SH3GL1: variants seen among roughly 807,000 people sequenced by gnomAD.
The protein encoded by SH3GL1 is endophilin-A2.
SH3GL1 carries 21 observed loss-of-function variants against 48.8 expected under a neutral mutation model. The ratio of observed to expected loss-of-function variants is 0.43; its 90% CI spans 0.30 to 0.62. SH3GL1 has a LOEUF of 0.62. Among genes scored for constraint, SH3GL1 ranks in the 20% least tolerant of loss-of-function variants. The pLI is 0.11. For synonymous variants in SH3GL1, 282 were observed against 217.5 expected, an observed-to-expected ratio of 1.30 and a Z score of -2.61; for missense variants, 454 against 503.0, an observed-to-expected ratio of 0.90 and a Z score of 0.93.
chr19:4,382,246 C>T (rs2144902799), intron 1 of SH3GL1, among the ~76,000 whole-genome samples: 1 of 148,206 alleles, frequency 6.7e-6, no homozygotes, highest in South Asian at 2.1e-4. Flanking sequence ...GGAAGGTGCT[C>T]CGCTTTCTTT....
At chr19:4,382,638 G>A (rs368000588) in intron 1 of SH3GL1, among the ~76,000 whole-genome samples, 83 of 152,278 alleles carry the variant, frequency 5.5e-4, no homozygotes, top group African/African-American at 1.4e-3. Context: ...CCCCAGGTCC[G>A]TACCCTTTGT....
At position 4,360,733 on chromosome 19, in the gene SH3GL1, T is replaced by C. The variant is rs1308707149; in HGVS notation, c.*867A>G. 2 of 233,434 alleles carry C rather than the reference T, an allele frequency of 8.6e-6. No homozygotes were observed. Among genetic ancestry groups the C allele is most frequent in the East Asian group, 6.0e-5 (1 of 16,580 alleles). The allele number at this position is 233,434 out of a possible 1,614,324, so 14.5% of individuals were successfully genotyped here. On this transcript the variant is annotated 3_prime_UTR_variant, in exon 10 of 10. Transcript: ENST00000269886. ...AGCCTGGCCACCAGGGGCTGGGACA[T>C]GCGCTCACTGGAACCTTTGTGCTTG...
At chr19:4,366,798 T>A (rs1972790799) in intron 2 of SH3GL1, 128 bp downstream of exon 2, 1 of 1,001,670 alleles carries the variant, frequency 1.0e-6, no homozygotes. Context: ...CCACCCCATC[T>A]CTCCACACCT....
At chr19:4,390,523 G>C (rs1973317708) in intron 1 of SH3GL1, 1 of 151,976 alleles carries the variant, frequency 6.6e-6, no homozygotes, top group Admixed American at 6.6e-5. Flanking sequence ...GAAGAAGAGG[G>C]GGGAGAGATA....
At chr19:4,365,793 T>C (rs1868298463) in intron 3 of SH3GL1, among the ~76,000 whole-genome samples, 168 bp from the exon 4 acceptor site, 1 of 152,194 alleles carries the variant, frequency 6.6e-6, no homozygotes, top group Non-Finnish European at 1.5e-5. Context: ...CTGCTCCTGC[T>C]AGCCTCAAAG....
At chr19:4,364,001 CGAGGCTGGAGGT>C in intron 5 of SH3GL1, 75 bp downstream of exon 5, 2 of 1,604,476 alleles carry the variant, frequency 1.2e-6, no homozygotes, top group Non-Finnish European at 1.7e-6. Context: ...AGGGCAGTGC[CGAGGCTGGAGGT>C]GAGGGTGGCA....
chr19:4,366,358 A>G (rs1972779093), intron 3 of SH3GL1, 143 bp downstream of exon 3: 2 of 662,688 alleles, frequency 3.0e-6, no homozygotes, highest in South Asian at 3.5e-5. Context: ...ATGCAGCACC[A>G]AGGATGGCCT....
chr19:4,374,771 C>T (rs950074356), intron 1 of SH3GL1, among the ~76,000 whole-genome samples: 5 of 152,194 alleles, frequency 3.3e-5, no homozygotes, highest in Non-Finnish European at 7.3e-5. Context: ...CCTGAGGTGA[C>T]TCAGCAGTCC....
At chr19:4,363,948 ACT>A in intron 5 of SH3GL1, 70 bp from the exon 6 acceptor site, 2 of 1,607,704 alleles carry the variant, frequency 1.2e-6, no homozygotes, top group East Asian at 2.2e-5. Context: ...GCTTTGACCC[ACT>A]GTCCCTGCAC....
At chr19:4,391,178 G>A (rs1221086256) in intron 1 of SH3GL1, among the ~76,000 whole-genome samples, 1 of 152,138 alleles carries the variant, frequency 6.6e-6, no homozygotes, top group Non-Finnish European at 1.5e-5. Flanking sequence ...CAGACCTCAG[G>A]TGCACTGCGC....
rs763220492 is a variant in SH3GL1 at position 4,400,297 on chromosome 19, T to C, written c.45+27A>G. The C allele has an allele frequency of 4.4e-6, 7 of 1,589,964 alleles. No homozygotes were observed. In the East Asian group the frequency reaches 1.2e-4, roughly 27 times the overall value. On this transcript the variant is annotated intron_variant, in intron 1 of 9. Coordinates refer to ENST00000269886, the MANE Select transcript of SH3GL1 (RefSeq NM_003025.4). This position sits in a 1 kb window ranked among gnomAD's most constrained non-coding sequence, Gnocchi z 4.1. ...ATCCGGGCAGCCCGGGGCCCGGTAC[T>C]CGGCTCCCGCCTGGGCCTGCGCTCA... is the stretch of plus-strand genomic sequence containing the variant.
rs377287110 is a variant in SH3GL1, at chr19:4,383,573, C to A, written c.46-16579G>T. On this transcript the variant is annotated intron_variant, in intron 1 of 9. Transcript: ENST00000269886. ...TTAGTTCATATTTACTGTGATTCAC[C>A]CACACTGAACTCATGGACACGGAGC... Among the ~76,000 whole-genome samples, 42 of 152,134 alleles carry A rather than the reference C, an allele frequency of 2.8e-4. No individual in the cohort carries two copies. The South Asian group carries it at 5.4e-3, about 20-fold the overall frequency.
In SH3GL1 at chr19:4,363,789, C is replaced by T. The variant is rs779010939; in HGVS notation, c.555G>A (p.Gln185=). The T allele has an allele frequency of 3.7e-6, 6 of 1,613,866 alleles. No individual in the cohort carries two copies. The highest frequency in any genetic ancestry group is 4.2e-6 in the Non-Finnish European group (5 of 1,180,038). ...QGKIPDEELR[Q]ALEKFEESKE... ...TGGACTCCTCGAACTTCTCCAGCGC[C>T]TGGCGTAGCTCCTCATCGGGGATCT... The change falls in exon 6 of 10, where the codon CAG becomes CAA. Residue 185 remains glutamine, a synonymous_variant. Coordinates refer to ENST00000269886, the MANE Select transcript of SH3GL1 (RefSeq NM_003025.4).
chr19:4,391,597 G>A (rs896911519), intron 1 of SH3GL1, among the ~76,000 whole-genome samples: 3 of 152,196 alleles, frequency 2.0e-5, no homozygotes, highest in African/African-American at 4.8e-5. Flanking sequence ...ATGGGAAAAC[G>A]TAGGATGCTG....
Position 4,361,594 on chromosome 19 carries a change from G to C in SH3GL1, c.*6C>G. On this transcript the variant is annotated 3_prime_UTR_variant, in exon 10 of 10. Transcript: ENST00000269886. ...GACGGAGGGGCGGGGCGGGGACACG[G>C]GTGAGTCACTGCGGCAGGGGCACAA... 6.3e-7 allele frequency: 1 copy of C among 1,589,400 alleles called. No homozygotes were observed.
At position 4,376,423 on chromosome 19, in the gene SH3GL1, T is replaced by A. The variant is rs1973010153; in HGVS notation, c.46-9429A>T. On this transcript the variant is annotated intron_variant, in intron 1 of 9. Coordinates refer to ENST00000269886, the MANE Select transcript of SH3GL1 (RefSeq NM_003025.4). The surrounding 1 kb of genome is among the most constrained non-coding windows in gnomAD (Gnocchi z 4.3). ...TCCCTGCCGGCAGCCAGGCAGGGAT[T>A]TAGGTGGTTTCTGTTTGGCCTCCAG... 1.3e-5 allele frequency among the ~76,000 whole-genome samples: 2 copies of A among 152,044 alleles called. No individual in the cohort carries two copies. The highest frequency in any genetic ancestry group is 4.1e-4 in the South Asian group (2 of 4,820).
intron 1 of SH3GL1, among the ~76,000 whole-genome samples, chr19:4,380,463 A>G (rs1200261828): frequency 6.6e-6 from 1 of 152,052 alleles, no homozygotes; most frequent in Non-Finnish European, 1.5e-5. Flanking sequence ...GGGATCTGGG[A>G]GCACGCAGGA....
intron 1 of SH3GL1, among the ~76,000 whole-genome samples, chr19:4,397,519 G>T (rs2144932709): frequency 6.6e-6 from 1 of 152,340 alleles, no homozygotes; most frequent in Non-Finnish European, 1.5e-5. Context: ...CTGGGAGTGG[G>T]GGTGGTGGCT....
At chr19:4,377,980 C>T (rs377640153) in intron 1 of SH3GL1, among the ~76,000 whole-genome samples, 8 of 152,262 alleles carry the variant, frequency 5.3e-5, no homozygotes, top group South Asian at 2.1e-4. Flanking sequence ...TGTGGCTCAT[C>T]GTCCTTGGAG....
Sources: gnomAD v4.1 joint callset for allele counts (sites outside exome capture counted in the v4.1 genomes callset) on GRCh38, gnomAD v4.1.1 for gene constraint, Gnocchi (gnomAD v3.1) non-coding constraint, MANE v1.5 for transcripts, NCBI Gene and HGNC (gene_info 2026-07-23, HGNC 2026-07-21) for gene names.